CDH13: variants seen among roughly 807,000 people sequenced by gnomAD.
CDH13 encodes cadherin 13.
A neutral mutation model predicts 63.8 loss-of-function variants in CDH13; 24 were observed. That is an observed-to-expected ratio of 0.38 (90% CI 0.27 to 0.53). The LOEUF (loss-of-function observed/expected upper bound fraction) is 0.53. CDH13 is among the 20% of genes least tolerant of loss of function. The probability of loss-of-function intolerance (pLI) is 0.85; values close to 1 mark genes in which losing one functional copy is unlikely to be tolerated. For missense variants in CDH13, 1,049 were observed against 903.1 expected (o/e 1.16, Z -2.07); for synonymous variants, 503 against 355.3 (o/e 1.42, Z -4.67).
At chr16:83,113,937 C>G (rs111475430) in intron 3 of CDH13, among the ~76,000 whole-genome samples, 4,273 of 152,152 alleles carry the variant, frequency 0.028, 78 homozygotes, top group South Asian at 0.041. Context: ...AAGGGGAAGC[C>G]TATATACCCT....
intron 3 of CDH13, among the ~76,000 whole-genome samples, chr16:83,067,780 C>T (rs969038158): frequency 1.3e-5 from 2 of 152,160 alleles, no homozygotes; most frequent in Non-Finnish European, 2.9e-5. Context: ...AGTAATCTCT[C>T]TTGGTTCCTC....
At chr16:82,787,613 A>G (rs978609172) in intron 1 of CDH13, among the ~76,000 whole-genome samples, 1 of 152,206 alleles carries the variant, frequency 6.6e-6, no homozygotes, top group Non-Finnish European at 1.5e-5. Flanking sequence ...TAGCCTATGA[A>G]GTAGAATTAT....
At chr16:83,103,034 C>G (rs929001768) in intron 3 of CDH13, among the ~76,000 whole-genome samples, 2 of 144,362 alleles carry the variant, frequency 1.4e-5, no homozygotes, top group Non-Finnish European at 3.0e-5. Context: ...CTCACTGCAG[C>G]CTCTGCCTCC....
At chr16:83,309,479 C>A (rs1054654015) in intron 5 of CDH13, among the ~76,000 whole-genome samples, 2 of 152,150 alleles carry the variant, frequency 1.3e-5, no homozygotes, top group Non-Finnish European at 1.5e-5. Flanking sequence ...CAGCTTCCAG[C>A]AATTCTCCTG....
intron 1 of CDH13, among the ~76,000 whole-genome samples, chr16:82,655,281 C>T (rs1433153336): frequency 1.3e-5 from 2 of 152,156 alleles, no homozygotes; most frequent in South Asian, 2.1e-4. Flanking sequence ...ATGAGCCGGT[C>T]AATCAAGCAC....
At chr16:83,098,585 T>A (rs72798325) in intron 3 of CDH13, among the ~76,000 whole-genome samples, 8,459 of 152,306 alleles carry the variant, frequency 0.056, 292 homozygotes, top group Non-Finnish European at 0.072. Flanking sequence ...GAAAAAGTCT[T>A]ACTTTTGCTT....
intron 2 of CDH13, among the ~76,000 whole-genome samples, chr16:82,908,482 C>T (rs557751567): frequency 6.6e-6 from 1 of 152,322 alleles, no homozygotes; most frequent in South Asian, 2.1e-4. Flanking sequence ...ACCTGCCCAG[C>T]AGGCATGGGC....
At chr16:82,772,734 A>G (rs2035320812) in intron 1 of CDH13, among the ~76,000 whole-genome samples, 1 of 152,198 alleles carries the variant, frequency 6.6e-6, no homozygotes, top group South Asian at 2.1e-4. Flanking sequence ...CTTCTTCTAC[A>G]GATGATAAAA....
chr16:83,237,370 T>A (rs895322695), intron 5 of CDH13, among the ~76,000 whole-genome samples: 3 of 152,196 alleles, frequency 2.0e-5, no homozygotes, highest in Non-Finnish European at 2.9e-5. Flanking sequence ...GTTCTTTACT[T>A]GTGTAAAGGA....
chr16:83,098,951 C>G (rs113009722), intron 3 of CDH13, among the ~76,000 whole-genome samples: 1 of 152,184 alleles, frequency 6.6e-6, no homozygotes, highest in African/African-American at 2.4e-5. Context: ...TCTTCAGGTA[C>G]AGGACAAATG....
rs541670992 is a variant in CDH13, at chr16:82,821,025, G to A, written c.46-37337G>A. Among the ~76,000 whole-genome samples the A allele has an allele frequency of 7.9e-5, 12 of 152,160 alleles. No homozygotes were observed. The South Asian group carries it at 1.5e-3, about 18-fold the overall frequency. Reference sequence around the variant, plus strand: ...ATTAGATGAGGCCATCAGTTACAGCGGAAATGATCATTATTGGAAAGCTGG... The same window carrying A: ...ATTAGATGAGGCCATCAGTTACAGCAGAAATGATCATTATTGGAAAGCTGG... On this transcript the variant is annotated intron_variant, in intron 1 of 13. Transcript: ENST00000567109.
intron 10 of CDH13, among the ~76,000 whole-genome samples, chr16:83,708,946 C>T (rs138815671): frequency 6.6e-6 from 1 of 152,292 alleles, no homozygotes; most frequent in Non-Finnish European, 1.5e-5. Flanking sequence ...ATGGTTTGAA[C>T]TCAGGAGGCG....
chr16:83,402,863 T>C (rs1040398175), intron 6 of CDH13, among the ~76,000 whole-genome samples: 10 of 152,208 alleles, frequency 6.6e-5, no homozygotes, highest in Admixed American at 2.0e-4. Flanking sequence ...TCTATTAAAC[T>C]TAGATACGTC....
chr16:83,031,567 C>T (rs144189738), intron 2 of CDH13, among the ~76,000 whole-genome samples: 10 of 151,938 alleles, frequency 6.6e-5, no homozygotes, highest in African/African-American at 2.2e-4. Context: ...TAATGTCTTC[C>T]ACATTCTTAA....
At chr16:82,916,045 C>G (rs2041977224) in intron 2 of CDH13, among the ~76,000 whole-genome samples, 1 of 152,026 alleles carries the variant, frequency 6.6e-6, no homozygotes, top group African/African-American at 2.4e-5. Context: ...TTTAAAATAT[C>G]AGATGTTTCC....
chr16:83,203,507 A>C (rs2039092355), intron 4 of CDH13, among the ~76,000 whole-genome samples: 1 of 151,576 alleles, frequency 6.6e-6, no homozygotes, highest in Non-Finnish European at 1.5e-5. Context: ...TAACATGGTG[A>C]AACCCCGTCT....
chr16:82,905,459 G>GTGTGTA lies in CDH13; in HGVS notation c.157+46991_157+46992insATGTGT, dbSNP rs1555539183. 2.5e-3 allele frequency among the ~76,000 whole-genome samples: 374 copies of GTGTGTA among 151,626 alleles called. 1 individual carries two copies. The highest frequency in any genetic ancestry group is 7.6e-3 in the African/African-American group (314 of 41,250). On this transcript the variant is annotated intron_variant, in intron 2 of 13. Transcript: ENST00000567109. ...TGTGTGTGTGTGTGTGTGTGTGTGT[G>GTGTGTA]TGTGTGTGTAAGATAATTTTTTCAG...
chr16:82,746,528 T>A (rs2151062802), intron 1 of CDH13, among the ~76,000 whole-genome samples: 1 of 152,186 alleles, frequency 6.6e-6, no homozygotes, highest in Admixed American at 6.5e-5. Flanking sequence ...AAAAATCGGG[T>A]TATTACTTTA....
chr16:82,672,388 T>A (rs1913357461), intron 1 of CDH13, among the ~76,000 whole-genome samples: 1 of 152,214 alleles, frequency 6.6e-6, no homozygotes, highest in African/African-American at 2.4e-5. Context: ...AACTCCCATG[T>A]ATGCACCACC....
Sources: gnomAD v4.1 joint callset for allele counts (sites outside exome capture counted in the v4.1 genomes callset) on GRCh38, gnomAD v4.1.1 for gene constraint, MANE v1.5 for transcripts, NCBI Gene and HGNC (gene_info 2026-07-23, HGNC 2026-07-21) for gene names.